PGBD5: variants seen among roughly 807,000 people sequenced by gnomAD.
PGBD5 encodes the protein piggyBac transposable element derived 5.
In PGBD5, 14 loss-of-function variants were observed where a neutral mutation model predicts 47.9. The ratio of observed to expected loss-of-function variants is 0.29; its 90% CI spans 0.19 to 0.46. The LOEUF is 0.46. Among genes scored for constraint, PGBD5 ranks in the 20% least tolerant of loss-of-function variants. The pLI, the probability that PGBD5 is intolerant of heterozygous loss-of-function variation, is 1.00. For missense variants in PGBD5, 635 were observed against 716.0 expected (o/e 0.89, Z 1.29); for synonymous variants, 316 against 306.3 (o/e 1.03, Z -0.33).
rs776172883 is a variant in PGBD5 at position 230,323,375 on chromosome 1, C to G, written c.*50G>C. Reference sequence around the variant, plus strand: ...CTGATGGGCAAGTTGGAACGGCAGGCTCTCCTCCTCCTCTTGCCCCTCCCT... The same window carrying G: ...CTGATGGGCAAGTTGGAACGGCAGGGTCTCCTCCTCCTCTTGCCCCTCCCT... On this transcript the variant is annotated 3_prime_UTR_variant, in exon 7 of 7. Coordinates refer to ENST00000391860, the MANE Select transcript of PGBD5 (RefSeq NM_001258311.2). This position sits in a 1 kb window ranked among gnomAD's most constrained non-coding sequence, Gnocchi z 4.1. 2.5e-6 allele frequency: 4 copies of G among 1,570,668 alleles called. No individual in the cohort carries two copies. Among genetic ancestry groups the G allele is most frequent in the Non-Finnish European group, 1.7e-6 (2 of 1,159,896 alleles).
At chr1:230,335,734 G>A (rs1441875013) in intron 4 of PGBD5, among the ~76,000 whole-genome samples, 4 of 158 alleles carry the variant, frequency 0.025, no homozygotes, top group African/African-American at 0.036. Context: ...GACACACACA[G>A]ACTTACACAA....
chr1:230,401,234 G>A (rs1418589222), intron 1 of PGBD5, among the ~76,000 whole-genome samples: 3 of 152,216 alleles, frequency 2.0e-5, no homozygotes, highest in Non-Finnish European at 4.4e-5. Context: ...TGGGTCACAG[G>A]AGCACATCCT....
In PGBD5 at chr1:230,346,388, C is replaced by A. The variant is rs138737460; in HGVS notation, c.894+4570G>T. Among the ~76,000 whole-genome samples the A allele has an allele frequency of 5.5e-4, 84 of 152,192 alleles. No homozygotes were observed. In the Middle Eastern group the frequency reaches 0.037, roughly 68 times the overall value. On this transcript the variant is annotated intron_variant, in intron 3 of 6. Transcript: ENST00000391860. Reference sequence around the variant, plus strand: ...TAGGGGTTTATCACAGGGACGTAACCCCATTATAAGTCGAGGAGCTTCTGC... The same window carrying A: ...TAGGGGTTTATCACAGGGACGTAACACCATTATAAGTCGAGGAGCTTCTGC...
intron 1 of PGBD5, among the ~76,000 whole-genome samples, chr1:230,371,455 C>T (rs1402315284): frequency 2.6e-5 from 4 of 152,162 alleles, no homozygotes; most frequent in African/African-American, 9.7e-5. Context: ...TAAGAAACAC[C>T]TATTCTTGGA....
In PGBD5 at chr1:230,414,322, T is replaced by C. The variant is rs534882080; in HGVS notation, c.331+11276A>G. On this transcript the variant is annotated intron_variant, in intron 1 of 6. Coordinates refer to ENST00000391860, the MANE Select transcript of PGBD5 (RefSeq NM_001258311.2). Reference sequence around the variant, plus strand: ...AAAGACAGCCGCGGATCTTCCCTCCTTCCCACCAAAGCATCCCACACACTA... The same window carrying C: ...AAAGACAGCCGCGGATCTTCCCTCCCTCCCACCAAAGCATCCCACACACTA... Among the ~76,000 whole-genome samples the C allele has an allele frequency of 4.6e-5, 7 of 152,276 alleles. No individual in the cohort carries two copies. In the South Asian group the frequency reaches 1.5e-3, roughly 32 times the overall value.
intron 1 of PGBD5, among the ~76,000 whole-genome samples, chr1:230,384,484 C>T (rs1656588255): frequency 6.6e-6 from 1 of 152,176 alleles, no homozygotes; most frequent in Non-Finnish European, 1.5e-5. Context: ...GGGCAAGATA[C>T]AATCCCTCCT....
intron 5 of PGBD5, among the ~76,000 whole-genome samples, chr1:230,327,045 C>T (rs1667130491): frequency 6.6e-6 from 1 of 152,154 alleles, no homozygotes; most frequent in Non-Finnish European, 1.5e-5. Flanking sequence ...ATTCTGGCTT[C>T]CCAGGCCTGC....
rs149716326 is a variant in PGBD5, at chr1:230,372,906, C to T, written c.332-15585G>A. On this transcript the variant is annotated intron_variant, in intron 1 of 6. Coordinates refer to ENST00000391860, the MANE Select transcript of PGBD5 (RefSeq NM_001258311.2). The stretch of plus-strand genomic sequence containing the variant: ...CCTGGCCCAGCCTTCCTCTGTGGTG[C>T]GTCCCCCTCTCTACATATCACCTCC... Among the ~76,000 whole-genome samples the T allele has an allele frequency of 3.8e-3, 586 of 152,274 alleles. 4 individuals carry two copies. Among genetic ancestry groups the T allele is most frequent in the African/African-American group, 0.014 (565 of 41,550 alleles).
At position 230,357,427 on chromosome 1, in the gene PGBD5, C is replaced by G; in HGVS notation, c.332-106G>C. Reference sequence around the variant, plus strand: ...TCCCTGGGTCCCTGGCCGAGTGCCCCCGCTGCCTCCAGTGCTACCGCCTTC... The same window carrying G: ...TCCCTGGGTCCCTGGCCGAGTGCCCGCGCTGCCTCCAGTGCTACCGCCTTC... On this transcript the variant is annotated intron_variant, in intron 1 of 6. Coordinates refer to ENST00000391860, the MANE Select transcript of PGBD5 (RefSeq NM_001258311.2). The surrounding 1 kb of genome is among the most constrained non-coding windows in gnomAD (Gnocchi z 5.7). 1 of 1,248,638 alleles carries G rather than the reference C, an allele frequency of 8.0e-7. No individual in the cohort carries two copies. The allele number at this position is 1,248,638 out of a possible 1,614,324, so 77.3% of individuals were successfully genotyped here. A position where few individuals can be genotyped will look rare whatever the true frequency, so the allele number is the denominator to read the frequency against.
chr1:230,337,299 AAC>A lies in PGBD5; in HGVS notation c.895-13_895-12del. The A allele has an allele frequency of 6.2e-7, 1 of 1,602,608 alleles. No individual in the cohort carries two copies. Among genetic ancestry groups the A allele is most frequent in the Non-Finnish European group, 8.5e-7 (1 of 1,175,696 alleles). ...CAGGTGGACATAAATCTTTAACAGA[AAC>A]ACACAGAGGTTAGCGTGCTCACAGC... is the stretch of plus-strand genomic sequence containing the variant. On this transcript the variant is annotated splice_polypyrimidine_tract_variant and intron_variant, in intron 3 of 6. Coordinates refer to ENST00000391860, the MANE Select transcript of PGBD5 (RefSeq NM_001258311.2).
At chr1:230,400,433 G>A (rs1240826547) in intron 1 of PGBD5, among the ~76,000 whole-genome samples, 10 of 150,796 alleles carry the variant, frequency 6.6e-5, no homozygotes, top group African/African-American at 2.4e-4. Flanking sequence ...ACTGCTTATT[G>A]TCTGTTACCC....
At chr1:230,366,020 G>A (rs1667827884) in intron 1 of PGBD5, among the ~76,000 whole-genome samples, 1 of 152,210 alleles carries the variant, frequency 6.6e-6, no homozygotes, top group Admixed American at 6.5e-5. Context: ...AATGTCAAAT[G>A]TCAGTCAAAT....
intron 1 of PGBD5, among the ~76,000 whole-genome samples, chr1:230,371,444 C>T (rs828446): frequency 0.71 from 108,676 of 152,018 alleles, 39,262 homozygotes; most frequent in Non-Finnish European, 0.74. Context: ...ATCAGGGCTA[C>T]TAAGAAACAC....
At position 230,315,957 on chromosome 1, in the gene PGBD5, A is replaced by C. The variant is rs28576453; in HGVS notation, c.*7468T>G. The C allele has an allele frequency of 6.4e-5, 4 of 62,048 alleles. No homozygotes were observed. The highest frequency in any genetic ancestry group is 1.8e-4 in the African/African-American group (4 of 22,024). 3.8% of individuals were successfully genotyped at this position (62,048 alleles called of 1,614,324 possible). A position where few individuals can be genotyped will look rare whatever the true frequency, so the allele number is the denominator to read the frequency against. The stretch of plus-strand genomic sequence containing the variant: ...ATATATGTATGTGTATACATACATA[A>C]GTATATGTGTACACATATATGTATG... On this transcript the variant is annotated 3_prime_UTR_variant, in exon 7 of 7. Transcript: ENST00000391860.
At chr1:230,330,606 C>G (rs1667198522) in intron 5 of PGBD5, among the ~76,000 whole-genome samples, 1 of 152,144 alleles carries the variant, frequency 6.6e-6, no homozygotes, top group Non-Finnish European at 1.5e-5. Context: ...CTTTACCTTC[C>G]CCCAGGCAAT....
chr1:230,375,089 G>C (rs1571847444), intron 1 of PGBD5, among the ~76,000 whole-genome samples: 1 of 152,166 alleles, frequency 6.6e-6, no homozygotes, highest in Admixed American at 6.5e-5. Flanking sequence ...AGTTTCCAAG[G>C]AGGAATAAGA....
chr1:230,381,355 T>C (rs1656483037), intron 1 of PGBD5, among the ~76,000 whole-genome samples: 1 of 152,212 alleles, frequency 6.6e-6, no homozygotes, highest in South Asian at 2.1e-4. Context: ...CTGGGGAACA[T>C]GCACACGCTG....
At chr1:230,369,247 A>C (rs554299012) in intron 1 of PGBD5, among the ~76,000 whole-genome samples, 123 of 152,362 alleles carry the variant, frequency 8.1e-4, no homozygotes, top group Middle Eastern at 3.4e-3. Flanking sequence ...CCCGCTTAAG[A>C]AGCAGCTCCT....
chr1:230,401,700 G>A (rs779025992), intron 1 of PGBD5, among the ~76,000 whole-genome samples: 81 of 152,300 alleles, frequency 5.3e-4, no homozygotes, highest in Admixed American at 3.3e-4. Flanking sequence ...GCCTTTCCCC[G>A]CATCAGAGCC....
Sources: gnomAD v4.1 joint callset for allele counts (sites outside exome capture counted in the v4.1 genomes callset) on GRCh38, gnomAD v4.1.1 for gene constraint, Gnocchi (gnomAD v3.1) non-coding constraint, MANE v1.5 for transcripts, NCBI Gene and HGNC (gene_info 2026-07-23, HGNC 2026-07-21) for gene names.